The following DBN1 variants were observed in gnomAD, a reference collection of about 807,000 sequenced individuals.
The protein encoded by DBN1 is drebrin.
DBN1 carries 21 observed loss-of-function variants against 83.5 expected under a neutral mutation model. The observed-to-expected ratio is 0.25, with a 90% confidence interval of 0.18 to 0.36. The LOEUF is 0.36. Ranked by LOEUF, DBN1 falls within the 10% of genes least tolerant of loss-of-function variation. The pLI is 1.00. For synonymous variants in DBN1, 381 were observed against 384.9 expected (o/e 0.99, Z 0.12); for missense variants, 874 against 935.7 (o/e 0.93, Z 0.86).
At chr5:177,468,270 CAA>C (rs770889716) in intron 2 of DBN1, 50 bp from the exon 3 acceptor site, 1 of 1,525,622 alleles carries the variant, frequency 6.6e-7, no homozygotes, top group Non-Finnish European at 9.1e-7. Flanking sequence ...AAACCCTTCC[CAA>C]AAAGAGCCTG....
intron 1 of DBN1, chr5:177,472,034 T>G: frequency 2.0e-6 from 3 of 1,467,596 alleles, no homozygotes; most frequent in Non-Finnish European, 2.7e-6. Flanking sequence ...GCTCCTCCCA[T>G]GATCTCAGCC....
At chr5:177,462,465 G>A (rs1757121421) in intron 8 of DBN1, 3 of 933,088 alleles carry the variant, frequency 3.2e-6, no homozygotes, top group Non-Finnish European at 3.8e-6. Flanking sequence ...TCCCCACAGG[G>A]TGCTCCTGGC....
intron 1 of DBN1, 122 bp downstream of exon 1, chr5:177,473,314 C>T: frequency 3.9e-6 from 2 of 508,592 alleles, no homozygotes; most frequent in South Asian, 6.2e-5. Flanking sequence ...GCCCTCCCGG[C>T]CCGCTGCACC....
intron 12 of DBN1, 148 bp from the exon 13 acceptor site, chr5:177,458,855 C>T: frequency 8.9e-7 from 1 of 1,118,562 alleles, no homozygotes; most frequent in Admixed American, 3.0e-5. Flanking sequence ...TGACTTTAAG[C>T]CCCTTGGCAG....
chr5:177,460,775 T>C (rs1271107231), intron 8 of DBN1, 72 bp from the exon 9 acceptor site: 3 of 1,466,834 alleles, frequency 2.0e-6, no homozygotes, highest in Non-Finnish European at 2.8e-6. Context: ...TTTTACTGTA[T>C]TTTATTTATT....
rs147005699 is a variant in DBN1 at position 177,469,654 on chromosome 5, C to T, written c.87-755G>A. 4.8e-3 allele frequency among the ~76,000 whole-genome samples: 736 copies of T among 152,312 alleles called. 4 individuals carry two copies. Among genetic ancestry groups the T allele is most frequent in the South Asian group, 7.5e-3 (36 of 4,828 alleles). On this transcript the variant is annotated intron_variant, in intron 1 of 14. Transcript: ENST00000393565. ...TGTCTGAGCTCTAACAGAAAGCTGACCTGGTGGCCTTCCTCCTTCCTCCTC... is the reference window on the plus strand; with the variant it reads ...TGTCTGAGCTCTAACAGAAAGCTGATCTGGTGGCCTTCCTCCTTCCTCCTC...
chr5:177,469,957 G>A (rs1020523421), intron 1 of DBN1, among the ~76,000 whole-genome samples: 2 of 152,220 alleles, frequency 1.3e-5, no homozygotes, highest in Admixed American at 6.5e-5. Context: ...CAAGGGAGAA[G>A]AGAAAGAGGA....
At position 177,467,145 on chromosome 5, in the gene DBN1, C is replaced by A. The variant is rs1581731379; in HGVS notation, c.556-83G>T. ...CCTCCAGCCCCTCCCTAACCCAGCG[C>A]TGGGGGCGGGGCACGTGGCATGGGC... On this transcript the variant is annotated intron_variant, in intron 6 of 14. Coordinates refer to ENST00000393565, the MANE Select transcript of DBN1 (RefSeq NM_001363541.2). The surrounding 1 kb of genome is among the most constrained non-coding windows in gnomAD (Gnocchi z 9.1). The A allele has an allele frequency of 6.2e-7, 1 of 1,607,512 alleles. No individual in the cohort carries two copies. Among genetic ancestry groups the A allele is most frequent in the Non-Finnish European group, 8.5e-7 (1 of 1,175,522 alleles).
At chr5:177,462,189 A>T (rs1757096821) in intron 8 of DBN1, 1 of 889,416 alleles carries the variant, frequency 1.1e-6, no homozygotes. Context: ...TCACCTCTCC[A>T]ACACCACCCC....
At chr5:177,460,782 T>G (rs1756974402) in intron 8 of DBN1, 79 bp from the exon 9 acceptor site, 5 of 1,449,640 alleles carry the variant, frequency 3.4e-6, no homozygotes, top group Non-Finnish European at 3.8e-6. Flanking sequence ...GTATTTTATT[T>G]ATTGATTTTG....
intron 13 of DBN1, 110 bp downstream of exon 13, chr5:177,457,948 T>C: frequency 1.3e-6 from 2 of 1,493,610 alleles, no homozygotes. Flanking sequence ...CCTCAAATAA[T>C]GTGGGTCACA....
rs755192595 is a variant in DBN1 at position 177,467,518 on chromosome 5, C to T, written c.440G>A (p.Arg147Gln). Reference sequence around the variant, plus strand: ...GTTCTCATCCTCTCGCAGCCGCAGTCGGTGCAGCACAGGGCTGGAGAGTCG... The same window carrying T: ...GTTCTCATCCTCTCGCAGCCGCAGTTGGTGCAGCACAGGGCTGGAGAGTCG... ...LARLSSPVLHRLRLREDENAE... is the reference protein window; with the variant it reads ...LARLSSPVLHQLRLREDENAE... Residue 147 changes from arginine to glutamine, a missense_variant, in exon 5 of 15, where the codon CGA becomes CAA. Coordinates refer to ENST00000393565, the MANE Select transcript of DBN1 (RefSeq NM_001363541.2). The surrounding 1 kb of genome is among the most constrained non-coding windows in gnomAD (Gnocchi z 9.1). 5 of 1,571,480 alleles carry T rather than the reference C, an allele frequency of 3.2e-6. No homozygotes were observed. The highest frequency in any genetic ancestry group is 2.4e-5 in the East Asian group (1 of 42,248).
intron 10 of DBN1, 55 bp downstream of exon 10, chr5:177,460,377 C>A (rs1450308224): frequency 6.2e-7 from 1 of 1,611,366 alleles, no homozygotes; most frequent in Admixed American, 1.7e-5. Flanking sequence ...CCCAGAGAGG[C>A]TCAGGGCCGC....
chr5:177,472,381 C>T, intron 1 of DBN1: 5 of 1,468,434 alleles, frequency 3.4e-6, no homozygotes, highest in African/African-American at 1.5e-5. Flanking sequence ...GGCCTAGGAA[C>T]CAGATGGGCA....
At chr5:177,472,755 A>T in intron 1 of DBN1, 3 of 972,282 alleles carry the variant, frequency 3.1e-6, no homozygotes, top group Non-Finnish European at 1.2e-6. Flanking sequence ...AGTCCCCTTC[A>T]GGTAGGGGAG....
intron 1 of DBN1, chr5:177,472,074 G>T (rs763649483): frequency 1.3e-6 from 2 of 1,583,960 alleles, no homozygotes; most frequent in South Asian, 2.3e-5. Context: ...ACAATGGGTG[G>T]GCCGCCTGCC....
rs1757489599 is a variant in DBN1, at chr5:177,466,978, C to G, written c.640G>C (p.Glu214Gln). 6.2e-7 allele frequency: 1 copy of G among 1,613,324 alleles called. No homozygotes were observed. Among genetic ancestry groups the G allele is most frequent in the Non-Finnish European group, 8.5e-7 (1 of 1,179,886 alleles). Residue 214 changes from glutamate to glutamine, a missense_variant, in exon 7 of 15, where the codon GAG (glutamate) becomes CAG (glutamine). By Grantham distance (29) the Glu-to-Gln change is conservative. Around this residue, in one of 4 missense-constraint regions of DBN1, gnomAD observed 725 missense variants for 719.7 expected, o/e 1.01. Coordinates refer to ENST00000393565, the MANE Select transcript of DBN1 (RefSeq NM_001363541.2). The surrounding 1 kb of genome is among the most constrained non-coding windows in gnomAD (Gnocchi z 4.8). Reference protein sequence around the residue: ...LRFEQERMEQERQEQEERERR... With the variant: ...LRFEQERMEQQRQEQEERERR... ...TCGCGCTCCTCTTGCTCCTGCCGCT[C>G]CTGCTCCATCCGCTCCTGCTCGAAC... is the stretch of plus-strand genomic sequence containing the variant.
intron 1 of DBN1, among the ~76,000 whole-genome samples, chr5:177,472,579 C>G (rs554725384): frequency 6.6e-6 from 1 of 152,170 alleles, no homozygotes; most frequent in Non-Finnish European, 1.5e-5. Flanking sequence ...GCTCCTCCCC[C>G]ATCAGGGACC....
chr5:177,467,729 C>G lies in DBN1; in HGVS notation c.330+14G>C. The G allele has an allele frequency of 6.4e-7, 1 of 1,552,750 alleles. No homozygotes were observed. Among genetic ancestry groups the G allele is most frequent in the Non-Finnish European group, 8.7e-7 (1 of 1,147,962 alleles). ...CTGTCCCCACCCCCAAGAGCGCTGG[C>G]CCCTGACACGCACCTGGAAGAACTC... On this transcript the variant is annotated intron_variant, in intron 4 of 14. Coordinates refer to ENST00000393565, the MANE Select transcript of DBN1 (RefSeq NM_001363541.2). This position sits in a 1 kb window ranked among gnomAD's most constrained non-coding sequence, Gnocchi z 9.1.
Sources: allele counts gnomAD v4.1 joint callset (sites outside exome capture counted in the v4.1 genomes callset), GRCh38; gene constraint gnomAD v4.1.1; regional missense constraint gnomAD v4.1.1; non-coding constraint Gnocchi (gnomAD v3.1); transcripts MANE v1.5; gene names NCBI Gene and HGNC (gene_info 2026-07-23, HGNC 2026-07-21).